The following ZC3H12C variants were observed in gnomAD, a reference collection of about 807,000 sequenced individuals.
The protein encoded by ZC3H12C is probable ribonuclease ZC3H12C.
A neutral mutation model predicts 76.3 loss-of-function variants in ZC3H12C; 20 were observed. The ratio of observed to expected loss-of-function variants is 0.26; its 90% confidence interval spans 0.18 to 0.38. The LOEUF (loss-of-function observed/expected upper bound fraction) is 0.38, where lower values mean the gene tolerates loss of function less well. Ranked by LOEUF, ZC3H12C falls within the 10% of genes least tolerant of loss-of-function variation. The probability of loss-of-function intolerance (pLI) is 1.00; values close to 1 mark genes in which losing one functional copy is unlikely to be tolerated. For missense variants in ZC3H12C, 874 were observed against 1,086.5 expected (o/e 0.80, Z 2.75); for synonymous variants, 352 against 399.6 (o/e 0.88, Z 1.42).
At chr11:110,135,511 A>AT (rs1555019869) in intron 1 of ZC3H12C, among the ~76,000 whole-genome samples, 1 of 150,278 alleles carries the variant, frequency 6.7e-6, no homozygotes, top group Non-Finnish European at 1.5e-5. Context: ...AAAAAAAAAA[A>AT]GTAAATCCTT....
rs760963663 is a variant in ZC3H12C at position 110,164,518 on chromosome 11, G to A, written c.1433G>A (p.Ser478Asn). The change falls in exon 6 of 6, where the codon AGC becomes AAC. Residue 478 changes from serine to asparagine, a missense_variant. Ser to Asn is a conservative substitution (Grantham distance 46). Around this residue, in one of 3 missense-constraint regions of ZC3H12C, gnomAD observed 269 missense variants for 424.9 expected, o/e 0.63. Transcript: ENST00000278590. This position sits in a 1 kb window ranked among gnomAD's most constrained non-coding sequence, Gnocchi z 5.7. ...GTTCCTTGTAGCACCAAGGCTGATA[G>A]CACTTCTGATGTCAAACGAGGTGCT... ...NSVPCSTKAD[S>N]TSDVKRGAPK... 1 of 1,613,968 alleles carries A rather than the reference G, an allele frequency of 6.2e-7. No homozygotes were observed. Among genetic ancestry groups the A allele is most frequent in the Non-Finnish European group, 8.5e-7 (1 of 1,179,886 alleles).
At chr11:110,158,913 A>G (rs1185617780) in intron 3 of ZC3H12C, among the ~76,000 whole-genome samples, 1 of 152,272 alleles carries the variant, frequency 6.6e-6, no homozygotes, top group Non-Finnish European at 1.5e-5. Context: ...ATGGCATTCA[A>G]GTAGGAACGT....
At chr11:110,123,308 G>A (rs1861682890) in intron 1 of ZC3H12C, among the ~76,000 whole-genome samples, 1 of 152,140 alleles carries the variant, frequency 6.6e-6, no homozygotes, top group South Asian at 2.1e-4. Flanking sequence ...AGGTTTTGTA[G>A]GAATTGAAGA....
chr11:110,143,986 C>A (rs1167407326), intron 2 of ZC3H12C, among the ~76,000 whole-genome samples: 1 of 152,036 alleles, frequency 6.6e-6, no homozygotes, highest in Non-Finnish European at 1.5e-5. Flanking sequence ...GCAAGTACAT[C>A]TTAGAATATA....
At chr11:110,129,145 C>G (rs147796104) in intron 1 of ZC3H12C, among the ~76,000 whole-genome samples, 2 of 152,206 alleles carry the variant, frequency 1.3e-5, no homozygotes, top group East Asian at 3.9e-4. Flanking sequence ...GTTTGTCATT[C>G]AGAACCTAGT....
chr11:110,152,207 G>C (rs368706053), intron 2 of ZC3H12C, among the ~76,000 whole-genome samples: 2 of 152,334 alleles, frequency 1.3e-5, no homozygotes, highest in African/African-American at 4.8e-5. Context: ...TGACTACACT[G>C]TTAGTTGGGC....
chr11:110,148,659 TA>T (rs1862213359), intron 2 of ZC3H12C, among the ~76,000 whole-genome samples: 2 of 152,226 alleles, frequency 1.3e-5, no homozygotes, highest in Non-Finnish European at 2.9e-5. Flanking sequence ...ATTGTTGGGA[TA>T]AAAAAGTAAT....
intron 2 of ZC3H12C, among the ~76,000 whole-genome samples, chr11:110,147,388 A>T (rs944892804): frequency 1.3e-5 from 2 of 152,110 alleles, no homozygotes; most frequent in Non-Finnish European, 1.5e-5. Flanking sequence ...ATGAAAAAAT[A>T]AGTTGACTCA....
At chr11:110,120,436 C>CA in intron 1 of ZC3H12C, among the ~76,000 whole-genome samples, 1 of 152,072 alleles carries the variant, frequency 6.6e-6, no homozygotes, top group Non-Finnish European at 1.5e-5. Context: ...CGCTCAGGGC[C>CA]ATTTTAAGCA....
At chr11:110,154,980 T>C (rs1284341525) in intron 3 of ZC3H12C, among the ~76,000 whole-genome samples, 4 of 152,054 alleles carry the variant, frequency 2.6e-5, no homozygotes, top group Non-Finnish European at 5.9e-5. Context: ...ACAATGTTAT[T>C]TTTCACCCAG....
chr11:110,147,425 G>C (rs928882871), intron 2 of ZC3H12C, among the ~76,000 whole-genome samples: 2 of 151,852 alleles, frequency 1.3e-5, no homozygotes, highest in South Asian at 4.2e-4. Flanking sequence ...ACAGGGAGGG[G>C]AATATCACAC....
intron 1 of ZC3H12C, among the ~76,000 whole-genome samples, chr11:110,106,814 C>T (rs1373999662): frequency 6.6e-6 from 1 of 152,196 alleles, no homozygotes; most frequent in Non-Finnish European, 1.5e-5. Context: ...CTAGTTCCAA[C>T]ACTTTTCAGT....
intron 1 of ZC3H12C, among the ~76,000 whole-genome samples, chr11:110,095,394 T>A (rs1159038232): frequency 6.6e-6 from 1 of 152,270 alleles, no homozygotes; most frequent in African/African-American, 2.4e-5. Flanking sequence ...TATAACTTCT[T>A]AGTGTGTTTC....
intron 2 of ZC3H12C, among the ~76,000 whole-genome samples, chr11:110,139,783 A>G (rs1295300180): frequency 6.6e-6 from 1 of 152,198 alleles, no homozygotes; most frequent in Non-Finnish European, 1.5e-5. Flanking sequence ...AGTTATTTAA[A>G]AATACATTTT....
At chr11:110,100,212 CT>C (rs10656341) in intron 1 of ZC3H12C, among the ~76,000 whole-genome samples, 21 of 134,192 alleles carry the variant, frequency 1.6e-4, no homozygotes, top group Admixed American at 1.5e-4. Flanking sequence ...CTATATGGTA[CT>C]TTTTTTTTTT....
chr11:110,159,155 T>G, intron 3 of ZC3H12C, 101 bp from the exon 4 acceptor site: 1 of 849,144 alleles, frequency 1.2e-6, no homozygotes, highest in Non-Finnish European at 1.9e-6. Context: ...AAGGATTTCA[T>G]ATATACAGCT....
In ZC3H12C at chr11:110,151,932, A is replaced by C. The variant is rs534622216; in HGVS notation, c.774-987A>C. On this transcript the variant is annotated intron_variant, in intron 2 of 5. Coordinates refer to ENST00000278590, the MANE Select transcript of ZC3H12C (RefSeq NM_033390.2). ...GGGTTTCCCAGGGAACCCTAGAACA[A>C]AATATTAATATGCCTAAAGTTTAGT... 3.8e-4 allele frequency among the ~76,000 whole-genome samples: 54 copies of C among 143,218 alleles called. 1 individual carries two copies. The South Asian group carries it at 5.3e-3, about 14-fold the overall frequency. 94.0% of individuals were successfully genotyped at this position (143,218 alleles called of 152,430 possible).
At position 110,126,032 on chromosome 11, in the gene ZC3H12C, A is replaced by G. The variant is rs371792225; in HGVS notation, c.22-10631A>G. Among the ~76,000 whole-genome samples, 135 of 152,270 alleles carry G rather than the reference A, an allele frequency of 8.9e-4. 1 individual carries two copies. Among genetic ancestry groups the G allele is most frequent in the African/African-American group, 3.1e-3 (128 of 41,556 alleles). Reference sequence around the variant, plus strand: ...TCGTGTTCTTCCAGTAAATGTCCCAAGCCCTTTCTCAAAAGTCCTGTTTTT... The same window carrying G: ...TCGTGTTCTTCCAGTAAATGTCCCAGGCCCTTTCTCAAAAGTCCTGTTTTT... On this transcript the variant is annotated intron_variant, in intron 1 of 5. Coordinates refer to ENST00000278590, the MANE Select transcript of ZC3H12C (RefSeq NM_033390.2).
rs370691328 is a variant in ZC3H12C, at chr11:110,165,007, T to C, written c.1922T>C (p.Val641Ala). The change falls in exon 6 of 6, where the codon GTG becomes GCG. Residue 641 changes from valine to alanine, a missense_variant. Coordinates refer to ENST00000278590, the MANE Select transcript of ZC3H12C (RefSeq NM_033390.2). ...AGCTGTGGGAGCAGTGACTCCTACG[T>C]GGGTTACAATGACCGGTCCTATGTC... Reference protein sequence around the residue: ...SMSCGSSDSYVGYNDRSYVSS... With the variant: ...SMSCGSSDSYAGYNDRSYVSS... 19 of 1,613,794 alleles carry C rather than the reference T, an allele frequency of 1.2e-5. No homozygotes were observed. Among genetic ancestry groups the C allele is most frequent in the Non-Finnish European group, 2.5e-6 (3 of 1,179,868 alleles).
Sources: gnomAD v4.1 joint callset for allele counts (sites outside exome capture counted in the v4.1 genomes callset) on GRCh38, gnomAD v4.1.1 for gene constraint, gnomAD v4.1.1 regional missense constraint, Gnocchi (gnomAD v3.1) non-coding constraint, MANE v1.5 for transcripts, NCBI Gene and HGNC (gene_info 2026-07-23, HGNC 2026-07-21) for gene names.